MAML3: variants seen among roughly 807,000 people sequenced by gnomAD.
MAML3 encodes mastermind like transcriptional coactivator 3, also known as mastermind-like protein 3.
Under a neutral mutation model 101.9 loss-of-function variants are expected in MAML3, and 27 were observed. The observed-to-expected ratio is 0.27, with a 90% CI of 0.20 to 0.37. The LOEUF is 0.37. MAML3 is among the 10% of genes least tolerant of loss of function. The pLI, the probability that MAML3 is intolerant of heterozygous loss-of-function variation, is 1.00. For missense variants in MAML3, 1,316 were observed against 1,444.9 expected (o/e 0.91, Z 1.45); for synonymous variants, 501 against 555.9 (o/e 0.90, Z 1.39).
chr4:139,991,199 C>G (rs1426367517), intron 1 of MAML3, among the ~76,000 whole-genome samples: 1 of 152,126 alleles, frequency 6.6e-6, no homozygotes, highest in African/African-American at 2.4e-5. Flanking sequence ...GGTACCAAAA[C>G]AGAGATATAG....
chr4:140,033,841 C>A (rs1289459096), intron 1 of MAML3, among the ~76,000 whole-genome samples: 1 of 152,226 alleles, frequency 6.6e-6, no homozygotes, highest in Non-Finnish European at 1.5e-5. Context: ...TGTCTGCTTG[C>A]ATTAAGCAGT....
chr4:139,859,982 G>GGGGCGGCTA (rs1731739635), intron 2 of MAML3, among the ~76,000 whole-genome samples: 1 of 152,222 alleles, frequency 6.6e-6, no homozygotes, highest in South Asian at 2.1e-4. Context: ...AGGCGTCGCG[G>GGGGCGGCTA]GAGGGGCTAG....
intron 1 of MAML3, among the ~76,000 whole-genome samples, chr4:139,903,608 T>G (rs1168056259): frequency 6.6e-6 from 1 of 152,174 alleles, no homozygotes; most frequent in Non-Finnish European, 1.5e-5. Context: ...TGTGACTACA[T>G]TTAGAGCAGA....
At chr4:139,749,191 A>G (rs923578566) in intron 2 of MAML3, among the ~76,000 whole-genome samples, 1 of 152,180 alleles carries the variant, frequency 6.6e-6, no homozygotes, top group African/African-American at 2.4e-5. Flanking sequence ...GATATGATAT[A>G]CCCCAATTAT....
intron 1 of MAML3, among the ~76,000 whole-genome samples, chr4:140,030,671 C>A (rs970648723): frequency 6.6e-6 from 1 of 152,182 alleles, no homozygotes; most frequent in Middle Eastern, 3.2e-3. Context: ...TCCTCCCTCC[C>A]TTTTTGGCTC....
rs150818535 is a variant in MAML3, at chr4:139,901,584, C to T, written c.469-10617G>A. On this transcript the variant is annotated intron_variant, in intron 1 of 4. Coordinates refer to ENST00000509479, the MANE Select transcript of MAML3 (RefSeq NM_018717.5). Reference sequence around the variant, plus strand: ...TTTATTTAGAGCTGTAAAGAAATGCCGGTAAAGGAGGTTGGTGAGGAAGAA... The same window carrying T: ...TTTATTTAGAGCTGTAAAGAAATGCTGGTAAAGGAGGTTGGTGAGGAAGAA... Among the ~76,000 whole-genome samples, 307 of 152,200 alleles carry T rather than the reference C, an allele frequency of 2.0e-3. 1 individual carries two copies. The highest frequency in any genetic ancestry group is 7.2e-3 in the African/African-American group (300 of 41,536).
intron 2 of MAML3, among the ~76,000 whole-genome samples, chr4:139,872,796 G>A (rs1732040098): frequency 2.0e-5 from 3 of 152,010 alleles, no homozygotes; most frequent in South Asian, 2.1e-4. Context: ...ATAATCACAC[G>A]GCCGGGCACA....
intron 2 of MAML3, among the ~76,000 whole-genome samples, chr4:139,881,520 T>A (rs1732217940): frequency 6.6e-6 from 1 of 152,128 alleles, no homozygotes; most frequent in Non-Finnish European, 1.5e-5. Context: ...AATCACCCTA[T>A]AACAAAGCAC....
chr4:139,730,138 G>T (rs1157436251), intron 3 of MAML3: 1 of 515,098 alleles, frequency 1.9e-6, no homozygotes, highest in Non-Finnish European at 3.5e-6. Context: ...AAATCAGAAG[G>T]AAAGGAGTCA....
chr4:139,878,065 A>G (rs1051397454), intron 2 of MAML3, among the ~76,000 whole-genome samples: 4 of 152,208 alleles, frequency 2.6e-5, no homozygotes, highest in Admixed American at 2.0e-4. Flanking sequence ...TCAAAATAGT[A>G]GAAAGTCCTC....
intron 1 of MAML3, among the ~76,000 whole-genome samples, chr4:140,135,103 C>T (rs1365370184): frequency 6.6e-6 from 1 of 152,164 alleles, no homozygotes; most frequent in Non-Finnish European, 1.5e-5. Flanking sequence ...CACAGGGCAG[C>T]CAAGGAGACC....
At chr4:139,814,175 A>T (rs1031247011) in intron 2 of MAML3, among the ~76,000 whole-genome samples, 1 of 152,192 alleles carries the variant, frequency 6.6e-6, no homozygotes, top group African/African-American at 2.4e-5. Context: ...CATGGTAGAA[A>T]GTCGATAAGT....
intron 2 of MAML3, among the ~76,000 whole-genome samples, chr4:139,865,647 C>T (rs1302835288): frequency 6.6e-6 from 1 of 152,188 alleles, no homozygotes; most frequent in East Asian, 1.9e-4. Flanking sequence ...CTCTTCCCCC[C>T]AAAATGAACT....
intron 2 of MAML3, among the ~76,000 whole-genome samples, chr4:139,790,362 A>G (rs980068294): frequency 6.6e-6 from 1 of 150,626 alleles, no homozygotes; most frequent in African/African-American, 2.4e-5. Flanking sequence ...TGCTTTATGT[A>G]CAGAACAAAC....
chr4:139,730,364 T>C (rs1728650276), intron 3 of MAML3, 52 bp downstream of exon 3: 2 of 1,508,030 alleles, frequency 1.3e-6, no homozygotes, highest in Non-Finnish European at 1.8e-6. Flanking sequence ...AGGCAGGTGC[T>C]GAATAAGTGC....
At chr4:140,121,108 G>A (rs1412964277) in intron 1 of MAML3, among the ~76,000 whole-genome samples, 2 of 152,176 alleles carry the variant, frequency 1.3e-5, no homozygotes, top group African/African-American at 4.8e-5. Context: ...TTTTCATTTG[G>A]ACGCATAAAA....
intron 2 of MAML3, among the ~76,000 whole-genome samples, chr4:139,863,598 C>A (rs7680071): frequency 0.55 from 83,324 of 151,844 alleles, 25,732 homozygotes; most frequent in African/African-American, 0.83. Context: ...GATCCTCCCA[C>A]AGTGCTGGGA....
At chr4:139,753,384 C>CTATCTATT (rs1267358844) in intron 2 of MAML3, among the ~76,000 whole-genome samples, 2 of 147,944 alleles carry the variant, frequency 1.4e-5, no homozygotes, top group Non-Finnish European at 3.0e-5. Context: ...ATCTATCTAT[C>CTATCTATT]TATTTTTTGT....
chr4:140,122,246 A>T (rs2111026980), intron 1 of MAML3, among the ~76,000 whole-genome samples: 1 of 141,450 alleles, frequency 7.1e-6, no homozygotes, highest in Admixed American at 7.1e-5. Context: ...TTTTAAACAG[A>T]GTTTCGCTTT....
Sources: gnomAD v4.1 joint callset for allele counts (sites outside exome capture counted in the v4.1 genomes callset) on GRCh38, gnomAD v4.1.1 for gene constraint, MANE v1.5 for transcripts, NCBI Gene and HGNC (gene_info 2026-07-23, HGNC 2026-07-21) for gene names.